The following CDKN2A variants were observed in gnomAD, a reference collection of about 807,000 sequenced individuals.
CDKN2A encodes cyclin dependent kinase inhibitor 2A, also known as cyclin-dependent kinase inhibitor 2A.
Under a neutral mutation model 11.1 loss-of-function variants are expected in CDKN2A, and 3 were observed. The ratio of observed to expected loss-of-function variants is 0.27; its 90% CI spans 0.12 to 0.70. The LOEUF (loss-of-function observed/expected upper bound fraction) is 0.70. Among genes scored for constraint, CDKN2A ranks in the 30% least tolerant of loss-of-function variants. The probability of loss-of-function intolerance (pLI) is 0.77; values close to 1 mark genes in which losing one functional copy is unlikely to be tolerated. For synonymous variants in CDKN2A, 122 were observed against 108.1 expected, an observed-to-expected ratio of 1.13 and a Z score of -0.80; for missense variants, 265 against 233.6, an observed-to-expected ratio of 1.13 and a Z score of -0.88.
chr9:21,974,155 T>A lies in CDKN2A; in HGVS notation c.150+523A>T, dbSNP rs1819909203. 6.6e-6 allele frequency among the ~76,000 whole-genome samples: 1 copy of A among 152,132 alleles called. No homozygotes were observed. Among genetic ancestry groups the A allele is most frequent in the Non-Finnish European group, 1.5e-5 (1 of 68,026 alleles). On this transcript the variant is annotated intron_variant, in intron 1 of 2. Transcript: ENST00000304494. The surrounding 1 kb of genome is among the most constrained non-coding windows in gnomAD (Gnocchi z 5.2). The stretch of plus-strand genomic sequence containing the variant: ...TTCCCCCCGCCTTGATCTCCCAAAG[T>A]GAAGGGATTACAAGGCGTGAGGCAC...
chr9:21,977,766 A>C (rs1283648982), upstream of CDKN2A, among the ~76,000 whole-genome samples: 5 of 152,022 alleles, frequency 3.3e-5, no homozygotes, highest in East Asian at 9.6e-4. Context: ...GTAGGTAATG[A>C]TTTTTTTTAA....
chr9:21,987,633 C>G (rs938361677), intron 2 of CDKN2A, among the ~76,000 whole-genome samples: 2 of 151,984 alleles, frequency 1.3e-5, no homozygotes, highest in Non-Finnish European at 2.9e-5. Flanking sequence ...GTGGTATCTA[C>G]AAGACATTCT....
intron 2 of CDKN2A, among the ~76,000 whole-genome samples, chr9:21,985,197 T>C (rs995590387): frequency 2.0e-5 from 3 of 151,962 alleles, no homozygotes; most frequent in African/African-American, 7.2e-5. Context: ...CCATAATTAA[T>C]TTTTCAAAAA....
intron 2 of CDKN2A, among the ~76,000 whole-genome samples, chr9:21,987,026 T>C (rs1193357300): frequency 1.3e-5 from 2 of 152,098 alleles, no homozygotes; most frequent in Non-Finnish European, 2.9e-5. Context: ...ACAAGCTTTT[T>C]CCTAATACAT....
rs1272067668 is a variant in CDKN2A, at chr9:21,974,649, C to G, written c.150+29G>C. The G allele has an allele frequency of 6.2e-7, 1 of 1,614,226 alleles. No homozygotes were observed. Among genetic ancestry groups the G allele is most frequent in the Non-Finnish European group, 8.5e-7 (1 of 1,180,040 alleles). On this transcript the variant is annotated intron_variant, in intron 1 of 2. Transcript: ENST00000304494. This position sits in a 1 kb window ranked among gnomAD's most constrained non-coding sequence, Gnocchi z 5.2. ...CGTCCTCCAGAGTCGCCCGCCATCC[C>G]CTGCTCCCGCTGCAGACCCTCTACC...
chr9:21,978,625 A>G (rs903399265), upstream of CDKN2A, among the ~76,000 whole-genome samples: 1 of 152,210 alleles, frequency 6.6e-6, no homozygotes, highest in Non-Finnish European at 1.5e-5. Flanking sequence ...TGAGAATGCC[A>G]TTCTTTTTTT....
In CDKN2A at chr9:21,974,180, C is replaced by T. The variant is rs1819910744; in HGVS notation, c.150+498G>A. 1.3e-5 allele frequency among the ~76,000 whole-genome samples: 2 copies of T among 152,194 alleles called. No homozygotes were observed. The highest frequency in any genetic ancestry group is 2.4e-5 in the African/African-American group (1 of 41,434). ...TGAAGGGATTACAAGGCGTGAGGCA[C>T]CGCGCCCGGCCGCTTCTGAATAATT... On this transcript the variant is annotated intron_variant, in intron 1 of 2. Transcript: ENST00000304494. This position sits in a 1 kb window ranked among gnomAD's most constrained non-coding sequence, Gnocchi z 5.2.
intron 2 of CDKN2A, among the ~76,000 whole-genome samples, chr9:21,990,163 A>G (rs1192884053): frequency 6.6e-6 from 1 of 151,918 alleles, no homozygotes; most frequent in African/African-American, 2.4e-5. Flanking sequence ...GGGGTGGGGT[A>G]GTGGGGGCGG....
upstream of CDKN2A, among the ~76,000 whole-genome samples, chr9:21,977,682 G>A (rs1185150578): frequency 6.6e-6 from 1 of 152,122 alleles, no homozygotes; most frequent in Non-Finnish European, 1.5e-5. Flanking sequence ...GGTTCTTAAT[G>A]GGGGTGGGAG....
upstream of CDKN2A, among the ~76,000 whole-genome samples, chr9:21,975,596 G>A (rs932565744): frequency 1.3e-5 from 2 of 152,270 alleles, no homozygotes; most frequent in African/African-American, 4.8e-5. Flanking sequence ...CGTGTAAAAC[G>A]GCTGTCTGGG....
rs1404245817 is a variant in CDKN2A at position 21,967,755 on chromosome 9, GTGAA to G, written c.*470_*473del. ...CTCAATAAATGTTGACAATAAATGA[GTGAA>G]TGAATGAAAATTATTTTATTTTTAT... On this transcript the variant is annotated 3_prime_UTR_variant, in exon 3 of 3. Transcript: ENST00000304494. 1 of 298,422 alleles carries G rather than the reference GTGAA, an allele frequency of 3.4e-6. No individual in the cohort carries two copies. Among genetic ancestry groups the G allele is most frequent in the African/African-American group, 2.1e-5 (1 of 46,734 alleles). The allele number at this position is 298,422 out of a possible 1,614,324, so 18.5% of individuals were successfully genotyped here.
At position 21,974,129 on chromosome 9, in the gene CDKN2A, A is replaced by AT. The variant is rs1819906967; in HGVS notation, c.150+548dup. On this transcript the variant is annotated intron_variant, in intron 1 of 2. Transcript: ENST00000304494. This position sits in a 1 kb window ranked among gnomAD's most constrained non-coding sequence, Gnocchi z 5.2. ...GGTCTCGAACTCCCGACCTCAGGTGATTCCCCCCGCCTTGATCTCCCAAAG... is the reference window on the plus strand; with the variant it reads ...GGTCTCGAACTCCCGACCTCAGGTGATTTCCCCCCGCCTTGATCTCCCAAAG... Among the ~76,000 whole-genome samples the AT allele has an allele frequency of 6.6e-6, 1 of 152,148 alleles. No homozygotes were observed.
Position 21,991,907 on chromosome 9 carries a change from A to T in CDKN2A, c.-4+1975T>A. ...GCTTACCTTGAGAGGACTCTGTGCT[A>T]TTAAAGAAAAAAATAACCTGAGCCT... is the stretch of plus-strand genomic sequence containing the variant. On this transcript the variant is annotated intron_variant, in intron 2 of 3. Transcript: ENST00000494262. This position sits in a 1 kb window ranked among gnomAD's most constrained non-coding sequence, Gnocchi z 5.2. 3.0e-6 allele frequency: 3 copies of T among 985,288 alleles called. No homozygotes were observed. The highest frequency in any genetic ancestry group is 3.6e-6 in the Non-Finnish European group (3 of 829,792). 61.0% of individuals were successfully genotyped at this position (985,288 alleles called of 1,614,324 possible). A position where few individuals can be genotyped will look rare whatever the true frequency, so the allele number is the denominator to read the frequency against.
intron 1 of CDKN2A, chr9:21,994,256 G>T: frequency 6.2e-7 from 1 of 1,606,754 alleles, no homozygotes; most frequent in East Asian, 2.2e-5. Context: ...CGCGGGATGT[G>T]AACCACGAAA....
rs1319501896 is a variant in CDKN2A at position 21,994,836 on chromosome 9, T to C, written c.-191A>G. On this transcript the variant is annotated 5_prime_UTR_variant, in exon 1 of 4. Transcript: ENST00000494262. Reference sequence around the variant, plus strand: ...ACGGCCCTACCAGGAACAGCCGCGCTCCCGCGGATTCTGGTGCTGCTCGCG... The same window carrying C: ...ACGGCCCTACCAGGAACAGCCGCGCCCCCGCGGATTCTGGTGCTGCTCGCG... The C allele has an allele frequency of 6.1e-5, 10 of 162,846 alleles. No homozygotes were observed. The East Asian group carries it at 1.6e-3, about 27-fold the overall frequency. 10.1% of individuals were successfully genotyped at this position (162,846 alleles called of 1,614,324 possible).
chr9:21,986,514 G>A (rs1820300512), intron 2 of CDKN2A, among the ~76,000 whole-genome samples: 1 of 151,900 alleles, frequency 6.6e-6, no homozygotes, highest in Non-Finnish European at 1.5e-5. Context: ...AGCACTCCAT[G>A]GGCAACCAAG....
rs150424862 is a variant in CDKN2A, at chr9:21,970,657, A to G, written c.457+245T>C. On this transcript the variant is annotated intron_variant, in intron 2 of 2. Transcript: ENST00000304494. ...AGAGGGTAGGTGTTTGGGTGGTGGT[A>G]TGCTTTGGGAAGTATAATGTACAAA... The G allele has an allele frequency of 7.8e-5, 48 of 613,958 alleles. No homozygotes were observed. In the African/African-American group the frequency reaches 7.9e-4, roughly 10 times the overall value. The allele number at this position is 613,958 out of a possible 1,614,324, so 38.0% of individuals were successfully genotyped here.
exon 1 of CDKN2A, chr9:21,994,843 G>A (rs1481005394): frequency 6.1e-6 from 1 of 164,616 alleles, no homozygotes; most frequent in Admixed American, 6.4e-5. Context: ...CGCTCCCGCG[G>A]ATTCTGGTGC....
rs148145730 is a variant in CDKN2A at position 21,970,076 on chromosome 9, CA to C, written c.457+825del. 2.5e-3 allele frequency among the ~76,000 whole-genome samples: 382 copies of C among 150,500 alleles called. 1 individual carries two copies. The highest frequency in any genetic ancestry group is 8.8e-3 in the African/African-American group (362 of 41,074). On this transcript the variant is annotated intron_variant, in intron 2 of 2. Transcript: ENST00000304494. ...ACTGTTTCATATATCTATTTTGTTT[CA>C]AAAAAAAATGTTCCTCCCCCCAGAA... is the stretch of plus-strand genomic sequence containing the variant.
Sources: gnomAD v4.1 joint callset for allele counts (sites outside exome capture counted in the v4.1 genomes callset) on GRCh38, gnomAD v4.1.1 for gene constraint, Gnocchi (gnomAD v3.1) non-coding constraint, MANE v1.5 for transcripts, NCBI Gene and HGNC (gene_info 2026-07-23, HGNC 2026-07-21) for gene names.